Variants in SLC24A2 observed in about 807,000 individuals in gnomAD.
SLC24A2 encodes the protein sodium/potassium/calcium exchanger 2.
A neutral mutation model predicts 62.0 loss-of-function variants in SLC24A2; 36 were observed. The ratio of observed to expected loss-of-function variants is 0.58; its 90% confidence interval spans 0.44 to 0.77. The LOEUF is 0.77. Ranked by LOEUF, SLC24A2 falls within the 30% of genes least tolerant of loss-of-function variation. SLC24A2 has a pLI of 0.00. For missense variants in SLC24A2, 846 were observed against 817.9 expected (o/e 1.03, Z -0.42); for synonymous variants, 358 against 294.0 (o/e 1.22, Z -2.23).
the SLC24A2 span, among the ~76,000 whole-genome samples, chr9:20,246,400 T>G: frequency 6.6e-6 from 1 of 152,212 alleles, no homozygotes; most frequent in Non-Finnish European, 1.5e-5. Context: ...AAGCACCTGT[T>G]TTTGCAATTT....
chr9:20,133,813 T>C, the SLC24A2 span, among the ~76,000 whole-genome samples: 3 of 152,120 alleles, frequency 2.0e-5, no homozygotes. Context: ...CTGCCTAAGA[T>C]ATAGTGAAGA....
At chr9:20,091,584 G>C in the SLC24A2 span, among the ~76,000 whole-genome samples, 1 of 151,936 alleles carries the variant, frequency 6.6e-6, no homozygotes, top group South Asian at 2.1e-4. Flanking sequence ...CTTCAACCAA[G>C]AATTTTATAT....
chr9:20,165,976 G>GA, the SLC24A2 span, among the ~76,000 whole-genome samples: 1 of 151,344 alleles, frequency 6.6e-6, no homozygotes, highest in African/African-American at 2.4e-5. Context: ...TAGGAAAATG[G>GA]AAAAAAGACA....
the SLC24A2 span, among the ~76,000 whole-genome samples, chr9:20,193,491 A>C: frequency 2.0e-5 from 3 of 151,796 alleles, no homozygotes; most frequent in East Asian, 5.8e-4. Context: ...CCTTAAATAG[A>C]AATTATATAT....
the SLC24A2 span, among the ~76,000 whole-genome samples, chr9:19,863,657 A>T: frequency 6.6e-6 from 1 of 151,212 alleles, no homozygotes; most frequent in Non-Finnish European, 1.5e-5. Flanking sequence ...ATTTTTTTTT[A>T]AACAAATGCT....
Position 19,526,818 on chromosome 9 carries a change from T to C in SLC24A2, c.1569+1231A>G, listed in dbSNP as rs917072843. ...GTTTTCCTTTTCCTTTTTAATGGTGTTTCCTGAAGAGCAAAAGTTTTAATT... is the reference window on the plus strand; with the variant it reads ...GTTTTCCTTTTCCTTTTTAATGGTGCTTCCTGAAGAGCAAAAGTTTTAATT... On this transcript the variant is annotated intron_variant, in intron 9 of 10. Coordinates refer to ENST00000341998, the MANE Select transcript of SLC24A2 (RefSeq NM_020344.4). 2.0e-5 allele frequency among the ~76,000 whole-genome samples: 3 copies of C among 150,816 alleles called. No homozygotes were observed. In the Admixed American group the frequency reaches 2.0e-4, roughly 10 times the overall value.
the SLC24A2 span, among the ~76,000 whole-genome samples, chr9:19,921,518 T>TA: frequency 0.87 from 107,236 of 123,290 alleles, 46,830 homozygotes; most frequent in Non-Finnish European, 0.92. Flanking sequence ...AGACTCCGTG[T>TA]AAAAAAAAAA....
the SLC24A2 span, among the ~76,000 whole-genome samples, chr9:20,029,033 C>G: frequency 3.9e-5 from 6 of 152,158 alleles, no homozygotes; most frequent in Non-Finnish European, 7.4e-5. Flanking sequence ...ACCTCTCAAG[C>G]CAGACTACAC....
the SLC24A2 span, among the ~76,000 whole-genome samples, chr9:20,114,389 A>T: frequency 6.6e-6 from 1 of 152,172 alleles, no homozygotes; most frequent in Non-Finnish European, 1.5e-5. Flanking sequence ...GAGCTAAACT[A>T]GTCCTATGCT....
At chr9:19,916,878 T>A in the SLC24A2 span, among the ~76,000 whole-genome samples, 1 of 151,716 alleles carries the variant, frequency 6.6e-6, no homozygotes, top group East Asian at 1.9e-4. Context: ...TCAAAAATTT[T>A]AAGAATTTTA....
At chr9:19,634,110 A>G (rs1818248008) in intron 2 of SLC24A2, among the ~76,000 whole-genome samples, 3 of 151,796 alleles carry the variant, frequency 2.0e-5, no homozygotes, top group South Asian at 2.1e-4. Flanking sequence ...TTCCATTGCT[A>G]TTATGCCCTA....
intron 5 of SLC24A2, among the ~76,000 whole-genome samples, chr9:19,578,358 CAA>C (rs3085616): frequency 0.033 from 4,455 of 135,544 alleles, 235 homozygotes; most frequent in African/African-American, 0.12. Context: ...TGCAATAAGC[CAA>C]AAAAAAAAAA....
chr9:20,263,873 C>CCCCG, the SLC24A2 span, among the ~76,000 whole-genome samples: 1 of 125,922 alleles, frequency 7.9e-6, no homozygotes, highest in African/African-American at 2.9e-5. Context: ...CCCCCCCCCC[C>CCCCG]CATTAAGGCT....
the SLC24A2 span, among the ~76,000 whole-genome samples, chr9:19,871,566 A>G: frequency 6.6e-6 from 1 of 152,168 alleles, no homozygotes; most frequent in African/African-American, 2.4e-5. Context: ...TCAATTTCAT[A>G]ATATCCATTT....
At chr9:19,965,110 T>C in the SLC24A2 span, among the ~76,000 whole-genome samples, 1 of 151,880 alleles carries the variant, frequency 6.6e-6, no homozygotes, top group Non-Finnish European at 1.5e-5. Context: ...GAAAGAGCGT[T>C]GGAGGCAGAG....
chr9:19,518,413 T>C (rs1277628205), intron 10 of SLC24A2, among the ~76,000 whole-genome samples: 1 of 151,320 alleles, frequency 6.6e-6, no homozygotes, highest in African/African-American at 2.4e-5. Flanking sequence ...TTCTTTCTTT[T>C]TCTTTTCTTT....
the SLC24A2 span, among the ~76,000 whole-genome samples, chr9:19,899,691 T>C: frequency 7.2e-5 from 11 of 152,332 alleles, no homozygotes; most frequent in African/African-American, 2.6e-4. Flanking sequence ...AGAGGTTTAA[T>C]TGACTCACAG....
chr9:19,651,249 T>A (rs1244892118), intron 2 of SLC24A2, among the ~76,000 whole-genome samples: 3 of 152,244 alleles, frequency 2.0e-5, no homozygotes, highest in African/African-American at 7.2e-5. Flanking sequence ...CTTATAATAG[T>A]ACTTATTAGG....
chr9:20,159,723 A>T, the SLC24A2 span, among the ~76,000 whole-genome samples: 2 of 151,616 alleles, frequency 1.3e-5, no homozygotes, highest in African/African-American at 4.8e-5. Flanking sequence ...ATAATAAAAG[A>T]TTAAGTAAAA....
Sources: gnomAD v4.1 joint callset for allele counts (sites outside exome capture counted in the v4.1 genomes callset) on GRCh38, gnomAD v4.1.1 for gene constraint, MANE v1.5 for transcripts, NCBI Gene and HGNC (gene_info 2026-07-23, HGNC 2026-07-21) for gene names.